The following NRXN3 variants were observed in gnomAD, a reference collection of about 807,000 sequenced individuals.
NRXN3 encodes the protein neurexin III.
NRXN3 carries 32 observed loss-of-function variants against 137.6 expected under a neutral mutation model. That is an observed-to-expected ratio of 0.23 (90% CI 0.18 to 0.31). The LOEUF (loss-of-function observed/expected upper bound fraction) is 0.31, where lower values mean the gene tolerates loss of function less well. Among genes scored for constraint, NRXN3 ranks in the 10% least tolerant of loss-of-function variants. NRXN3 has a pLI of 1.00. For missense variants in NRXN3, 1,574 were observed against 2,062.5 expected (o/e 0.76, Z 4.59); for synonymous variants, 798 against 784.5 (o/e 1.02, Z -0.29).
intron 6 of NRXN3, among the ~76,000 whole-genome samples, chr14:78,652,897 A>G (rs1232307422): frequency 6.6e-6 from 1 of 152,246 alleles, no homozygotes; most frequent in African/African-American, 2.4e-5. Flanking sequence ...CAGTGAGTGA[A>G]TAAGTATAGC....
chr14:79,367,499 A>G (rs1042118192), intron 15 of NRXN3, among the ~76,000 whole-genome samples: 2 of 152,240 alleles, frequency 1.3e-5, no homozygotes, highest in Non-Finnish European at 2.9e-5. Flanking sequence ...CCTAGGACTC[A>G]GATCAAGGAT....
chr14:79,627,249 A>T (rs577181616), intron 16 of NRXN3, among the ~76,000 whole-genome samples: 46 of 152,330 alleles, frequency 3.0e-4, no homozygotes, highest in African/African-American at 1.0e-3. Context: ...TCACCAGATA[A>T]TGCCAAGTCA....
chr14:79,215,384 A>T (rs1350939983), intron 15 of NRXN3, among the ~76,000 whole-genome samples: 2 of 146,802 alleles, frequency 1.4e-5, no homozygotes, highest in Non-Finnish European at 3.0e-5. Context: ...GAAGTTGTGG[A>T]GTTGGGGTGT....
At chr14:78,914,403 G>A (rs2099249420) in intron 10 of NRXN3, among the ~76,000 whole-genome samples, 1 of 152,170 alleles carries the variant, frequency 6.6e-6, no homozygotes, top group South Asian at 2.1e-4. Flanking sequence ...TGTATAACAG[G>A]TGGTGATAAG....
chr14:79,783,082 G>A (rs561475322), intron 19 of NRXN3, among the ~76,000 whole-genome samples: 1 of 152,292 alleles, frequency 6.6e-6, no homozygotes, highest in African/African-American at 2.4e-5. Context: ...CTATCTTTCA[G>A]AAAAATGACT....
Position 79,025,729 on chromosome 14 carries a change from C to T in NRXN3, c.3262+37588C>T, listed in dbSNP as rs1034793547. Among the ~76,000 whole-genome samples the T allele has an allele frequency of 4.6e-5, 7 of 152,012 alleles. No homozygotes were observed. In the East Asian group the frequency reaches 5.8e-4, roughly 13 times the overall value. Reference sequence around the variant, plus strand: ...ACTGAAAATGGATTATTTTCTTTGGCGATGGGTGACTGTTCAGCTGAAACT... The same window carrying T: ...ACTGAAAATGGATTATTTTCTTTGGTGATGGGTGACTGTTCAGCTGAAACT... On this transcript the variant is annotated intron_variant, in intron 15 of 20. Transcript: ENST00000335750.
chr14:79,737,243 T>C (rs955230461), intron 19 of NRXN3, among the ~76,000 whole-genome samples: 3 of 152,240 alleles, frequency 2.0e-5, no homozygotes, highest in Non-Finnish European at 4.4e-5. Context: ...GTGGTTTTGC[T>C]GTTAGGAAAT....
chr14:79,593,630 C>CAA (rs58254245), intron 16 of NRXN3, among the ~76,000 whole-genome samples: 7,502 of 74,442 alleles, frequency 0.1, 430 homozygotes, highest in African/African-American at 0.12. Flanking sequence ...GACTCCGTCT[C>CAA]AAAAAAAAAA....
chr14:79,303,543 T>A (rs997474042), intron 15 of NRXN3, among the ~76,000 whole-genome samples: 2 of 152,004 alleles, frequency 1.3e-5, no homozygotes, highest in Non-Finnish European at 2.9e-5. Flanking sequence ...GTGAAATAAT[T>A]TACTATTTTT....
chr14:79,041,823 A>C (rs920648001), intron 15 of NRXN3, among the ~76,000 whole-genome samples: 5 of 152,210 alleles, frequency 3.3e-5, no homozygotes, highest in Non-Finnish European at 5.9e-5. Context: ...TTATATAAAT[A>C]ATGATTCTGG....
At chr14:79,226,769 T>A (rs2070941804) in intron 15 of NRXN3, among the ~76,000 whole-genome samples, 1 of 151,956 alleles carries the variant, frequency 6.6e-6, no homozygotes, top group Non-Finnish European at 1.5e-5. Context: ...CAATGCAGAT[T>A]TCAGCTATAT....
At position 79,861,542 on chromosome 14, in the gene NRXN3, C is replaced by A; in HGVS notation, c.4294C>A (p.Arg1432Ser). 1 of 1,558,152 alleles carries A rather than the reference C, an allele frequency of 6.4e-7. No individual in the cohort carries two copies. The highest frequency in any genetic ancestry group is 8.7e-7 in the Non-Finnish European group (1 of 1,154,148). The change falls in exon 21 of 21, where the codon CGT (arginine) becomes AGT (serine). Residue 1432 changes from arginine to serine, a missense_variant. By Grantham distance (110) the Arg-to-Ser change is moderately radical. Around this residue, in one of 5 missense-constraint regions of NRXN3, gnomAD observed 320 missense variants for 387.1 expected, o/e 0.83. Transcript: ENST00000335750. The surrounding 1 kb of genome is among the most constrained non-coding windows in gnomAD (Gnocchi z 5.4). Reference protein sequence around the residue: ...PKLPAGKMNNRDLKPQPDIVL... With the variant: ...PKLPAGKMNNSDLKPQPDIVL... ...ATTGCCAGCTGGCAAAATGAATAAC[C>A]GTGATCTCAAACCCCAGCCTGATAT... is the stretch of plus-strand genomic sequence containing the variant.
At chr14:79,833,114 C>G (rs1396999850) in intron 20 of NRXN3, among the ~76,000 whole-genome samples, 1 of 152,078 alleles carries the variant, frequency 6.6e-6, no homozygotes, top group East Asian at 1.9e-4. Context: ...TAGAAGCAAG[C>G]CTGAAATGAT....
At chr14:78,986,633 G>T (rs1270556923) in intron 14 of NRXN3, among the ~76,000 whole-genome samples, 1 of 151,994 alleles carries the variant, frequency 6.6e-6, no homozygotes. Context: ...AAATAATTTA[G>T]AATTAATTAA....
chr14:78,635,548 T>A (rs2097560096), intron 4 of NRXN3, among the ~76,000 whole-genome samples: 1 of 152,186 alleles, frequency 6.6e-6, no homozygotes, highest in Non-Finnish European at 1.5e-5. Context: ...GTATGAAAAT[T>A]ATACAAAAAT....
intron 4 of NRXN3, among the ~76,000 whole-genome samples, chr14:78,430,073 CAAATGTTTAAAA>C (rs1431759257): frequency 1.3e-5 from 2 of 152,052 alleles, no homozygotes; most frequent in Non-Finnish European, 2.9e-5. Flanking sequence ...ACCTCTAAAA[CAAATGTTTAAAA>C]AAATTAGCTG....
intron 4 of NRXN3, among the ~76,000 whole-genome samples, chr14:78,640,683 T>C (rs1269823841): frequency 6.6e-6 from 1 of 152,208 alleles, no homozygotes; most frequent in Admixed American, 6.5e-5. Context: ...AGATCAGTAC[T>C]TCATATATCT....
At chr14:79,468,392 C>T (rs528744100) in intron 16 of NRXN3, among the ~76,000 whole-genome samples, 1 of 152,254 alleles carries the variant, frequency 6.6e-6, no homozygotes, top group South Asian at 2.1e-4. Flanking sequence ...GAATTGTTCT[C>T]ATTAGTTAGC....
At chr14:79,841,410 C>T (rs1391889766) in intron 20 of NRXN3, among the ~76,000 whole-genome samples, 1 of 152,122 alleles carries the variant, frequency 6.6e-6, no homozygotes, top group African/African-American at 2.4e-5. Flanking sequence ...AGAAAACAGT[C>T]AAAATTATGT....
Sources: gnomAD v4.1 joint callset for allele counts (sites outside exome capture counted in the v4.1 genomes callset) on GRCh38, gnomAD v4.1.1 for gene constraint, gnomAD v4.1.1 regional missense constraint, Gnocchi (gnomAD v3.1) non-coding constraint, MANE v1.5 for transcripts, NCBI Gene and HGNC (gene_info 2026-07-23, HGNC 2026-07-21) for gene names.